The following HMCN2 variants were observed in gnomAD, a reference collection of about 807,000 sequenced individuals.
The protein encoded by HMCN2 is hemicentin 2.
Under a neutral mutation model 377.5 loss-of-function variants are expected in HMCN2, and 325 were observed. The observed-to-expected ratio is 0.86, with a 90% CI of 0.79 to 0.94. The LOEUF is 0.94. Among genes scored for constraint, HMCN2 ranks in the 40% least tolerant of loss-of-function variants. The pLI is 0.00. For synonymous variants in HMCN2, 2,007 were observed against 2,046.8 expected (o/e 0.98, Z 0.53); for missense variants, 4,543 against 4,725.3 (o/e 0.96, Z 1.13).
In HMCN2 at chr9:130,422,663, C is replaced by G. The variant is rs1328426557; in HGVS notation, c.13318C>G (p.Gln4440Glu). The G allele has an allele frequency of 3.1e-5, 41 of 1,318,856 alleles. No homozygotes were observed. The highest frequency in any genetic ancestry group is 3.8e-5 in the Non-Finnish European group (39 of 1,026,704). 81.7% of individuals were successfully genotyped at this position (1,318,856 alleles called of 1,614,324 possible). A position where few individuals can be genotyped will look rare whatever the true frequency, so the allele number is the denominator to read the frequency against. Reference protein sequence around the residue: ...GVATLNTSVMQEAHSGVSSIH... With the variant: ...GVATLNTSVMEEAHSGVSSIH... ...GGCCACACTCAACACCAGCGTGATG[C>G]AGGAGGCACACTCCGGGGTCAGCAG... Residue 4440 changes from glutamine (Q) to glutamate (E), a missense_variant, in exon 87 of 98, where the codon CAG (glutamine) becomes GAG (glutamate). By Grantham distance (29) the Gln-to-Glu change is conservative (BLOSUM62 2). Transcript: ENST00000683500. The surrounding 1 kb of genome is among the most constrained non-coding windows in gnomAD (Gnocchi z 4.2).
At chr9:130,385,083 C>T (rs1297588106) in intron 59 of HMCN2, among the ~76,000 whole-genome samples, 1 of 152,186 alleles carries the variant, frequency 6.6e-6, no homozygotes, top group Non-Finnish European at 1.5e-5. Flanking sequence ...AAAGCTGGCC[C>T]AAGGTGTCTT....
At chr9:130,430,212 G>A in intron 94 of HMCN2, 72 bp from the exon 95 acceptor site, 1 of 1,259,094 alleles carries the variant, frequency 7.9e-7, no homozygotes, top group East Asian at 2.5e-5. Context: ...AGAAGGCAGG[G>A]CCAGGCAATG....
intron 85 of HMCN2, among the ~76,000 whole-genome samples, chr9:130,415,204 A>G (rs1221187589): frequency 2.6e-5 from 4 of 152,184 alleles, no homozygotes. Context: ...TGGAAGATTT[A>G]AATAAGAGCC....
intron 12 of HMCN2, 97 bp from the exon 13 acceptor site, chr9:130,306,714 G>T (rs1564769384): frequency 2.7e-5 from 11 of 410,958 alleles, no homozygotes; most frequent in Non-Finnish European, 5.7e-5. Context: ...AGTACAGAAT[G>T]GTCGTCGCTA....
intron 19 of HMCN2, among the ~76,000 whole-genome samples, chr9:130,322,441 T>C (rs1353887496): frequency 6.6e-6 from 1 of 152,196 alleles, no homozygotes; most frequent in Non-Finnish European, 1.5e-5. Flanking sequence ...TAGGATCACA[T>C]GCTGTCATTG....
chr9:130,371,480 G>A (rs1841020224), intron 46 of HMCN2, among the ~76,000 whole-genome samples: 1 of 151,792 alleles, frequency 6.6e-6, no homozygotes, highest in African/African-American at 2.4e-5. Flanking sequence ...AGTTTTGGAT[G>A]TGCTGATCTA....
intron 74 of HMCN2, among the ~76,000 whole-genome samples, chr9:130,398,277 G>C (rs2131703658): frequency 6.6e-6 from 1 of 152,234 alleles, no homozygotes; most frequent in East Asian, 1.9e-4. Context: ...TGCTGTGGTG[G>C]GCCCTGGCCT....
chr9:130,398,773 G>A (rs751284796), intron 75 of HMCN2, 66 bp downstream of exon 75: 13 of 1,229,934 alleles, frequency 1.1e-5, no homozygotes, highest in South Asian at 2.6e-5. Context: ...CTCTTCTCAC[G>A]GGGGCATGGG....
chr9:130,399,776 C>A, intron 76 of HMCN2, 144 bp downstream of exon 76: 1 of 464,232 alleles, frequency 2.2e-6, no homozygotes, highest in Non-Finnish European at 3.4e-6. Flanking sequence ...CTCTCAGATC[C>A]TGCTGGGCCA....
intron 16 of HMCN2, 40 bp downstream of exon 16, chr9:130,319,735 G>T (rs1005346773): frequency 0.051 from 7,791 of 152,214 alleles, 355 homozygotes; most frequent in East Asian, 0.24. Context: ...CAGGGAGACA[G>T]GATGGCCTCT....
Position 130,328,479 on chromosome 9 carries a change from G to A in HMCN2, c.3359+1004G>A, listed in dbSNP as rs1024575550. Among the ~76,000 whole-genome samples the A allele has an allele frequency of 2.6e-5, 4 of 152,190 alleles. No individual in the cohort carries two copies. In the East Asian group the frequency reaches 7.7e-4, roughly 29 times the overall value. ...AGTTCACCCCTCCTCGCCGTGGTGC[G>A]TTAATAGGTCAGCTGGGAGCTGTAA... On this transcript the variant is annotated intron_variant, in intron 22 of 97. Transcript: ENST00000683500.
At chr9:130,339,681 G>A (rs1336137711) in intron 23 of HMCN2, among the ~76,000 whole-genome samples, 2 of 152,246 alleles carry the variant, frequency 1.3e-5, no homozygotes, top group African/African-American at 4.8e-5. Flanking sequence ...AACAATGGAA[G>A]CTGTTATTGT....
At chr9:130,340,195 G>A (rs1838971720) in intron 23 of HMCN2, among the ~76,000 whole-genome samples, 2 of 152,254 alleles carry the variant, frequency 1.3e-5, no homozygotes, top group Admixed American at 6.5e-5. Flanking sequence ...GTGAAAGAAC[G>A]GGAAGCCACA....
At chr9:130,293,474 G>A (rs1438551871) in intron 4 of HMCN2, among the ~76,000 whole-genome samples, 2 of 151,868 alleles carry the variant, frequency 1.3e-5, no homozygotes, top group Admixed American at 1.3e-4. Flanking sequence ...ACTTGGCCTG[G>A]AAAGAGAAGG....
In HMCN2 at chr9:130,275,627, T is replaced by C. The variant is rs112205749; in HGVS notation, c.260-8976T>C. Among the ~76,000 whole-genome samples, 454 of 152,168 alleles carry C rather than the reference T, an allele frequency of 3.0e-3. 2 individuals are homozygous for C. The highest frequency in any genetic ancestry group is 9.7e-3 in the African/African-American group (404 of 41,526). On this transcript the variant is annotated intron_variant, in intron 1 of 97. Coordinates refer to ENST00000683500, the MANE Select transcript of HMCN2 (RefSeq NM_001291815.2). ...ACCATGCCTGGCTAATTTTTGTGTT[T>C]TTAGTAGAGATGGAGTTTCACTATG...
chr9:130,293,396 C>T (rs557396373), intron 4 of HMCN2, among the ~76,000 whole-genome samples: 16 of 146,674 alleles, frequency 1.1e-4, no homozygotes, highest in African/African-American at 3.3e-4. Context: ...GTTGTGGTAC[C>T]GATTTTATGG....
At chr9:130,375,198 GCTACT>G (rs1450933765) in intron 49 of HMCN2, among the ~76,000 whole-genome samples, 1 of 152,218 alleles carries the variant, frequency 6.6e-6, no homozygotes, top group Non-Finnish European at 1.5e-5. Context: ...TGAAAGCAAA[GCTACT>G]CTACTCAGCG....
rs1317049692 is a variant in HMCN2 at position 130,360,878 on chromosome 9, C to T, written c.5950+274C>T. Among the ~76,000 whole-genome samples the T allele has an allele frequency of 6.6e-6, 1 of 151,470 alleles. No homozygotes were observed. Among genetic ancestry groups the T allele is most frequent in the African/African-American group, 2.4e-5 (1 of 41,182 alleles). On this transcript the variant is annotated intron_variant, in intron 38 of 97. Transcript: ENST00000683500. The surrounding 1 kb of genome is among the most constrained non-coding windows in gnomAD (Gnocchi z 4.7). ...CCATCCATCCATCAACTCATCTATCCATCCATCCATCCATCCATCTCTCAT... is the reference window on the plus strand; with the variant it reads ...CCATCCATCCATCAACTCATCTATCTATCCATCCATCCATCCATCTCTCAT...
At chr9:130,403,701 C>T (rs1226791147) in intron 79 of HMCN2, 40 bp from the exon 80 acceptor site, 4 of 1,284,560 alleles carry the variant, frequency 3.1e-6, no homozygotes, top group Non-Finnish European at 4.1e-6. Context: ...GGTCCCCAGT[C>T]CCAGTTCCCA....
Sources: gnomAD v4.1 joint callset for allele counts (sites outside exome capture counted in the v4.1 genomes callset) on GRCh38, gnomAD v4.1.1 for gene constraint, Gnocchi (gnomAD v3.1) non-coding constraint, MANE v1.5 for transcripts, NCBI Gene and HGNC (gene_info 2026-07-23, HGNC 2026-07-21) for gene names.